POMZP3: variants seen among roughly 807,000 people sequenced by gnomAD.
POMZP3 encodes the protein POM121 and ZP3 fusion protein.
Under a neutral mutation model 19.8 loss-of-function variants are expected in POMZP3, and 10 were observed. The ratio of observed to expected loss-of-function variants is 0.51; its 90% CI spans 0.31 to 0.86. The LOEUF is 0.86. Among genes scored for constraint, POMZP3 ranks in the 40% least tolerant of loss-of-function variants. POMZP3 has a pLI of 0.04. For synonymous variants in POMZP3, 57 were observed against 85.8 expected, an observed-to-expected ratio of 0.66 and a Z score of 1.85; for missense variants, 152 against 228.1, an observed-to-expected ratio of 0.67 and a Z score of 2.15.
chr7:76,614,858 CAAAAAAAAA>C lies in POMZP3; in HGVS notation c.346-3054_346-3046del, dbSNP rs59620004. Among the ~76,000 whole-genome samples, 6 of 32,006 alleles carry C rather than the reference CAAAAAAAAA, an allele frequency of 1.9e-4. 1 individual carries two copies. Among genetic ancestry groups the C allele is most frequent in the Non-Finnish European group, 3.9e-4 (6 of 15,486 alleles). 21.0% of individuals were successfully genotyped at this position (32,006 alleles called of 152,430 possible). ...CTGGGTGACAGAGCGAGACTCTGTC[CAAAAAAAAA>C]AAAAAAAAAAGTACACAGGGTCTTG... On this transcript the variant is annotated intron_variant, in intron 4 of 6. Transcript: ENST00000310842.
chr7:76,611,383 C>G (rs183695161), intron 6 of POMZP3, 71 bp downstream of exon 6: 2 of 1,403,702 alleles, frequency 1.4e-6, no homozygotes, highest in East Asian at 4.6e-5. Flanking sequence ...TACCATCACC[C>G]TGAAATGACA....
Position 76,625,658 on chromosome 7 carries a change from G to A in POMZP3, c.91C>T (p.Leu31=), listed in dbSNP as rs747312505. 2.6e-5 allele frequency: 42 copies of A among 1,613,884 alleles called. No homozygotes were observed. Among genetic ancestry groups the A allele is most frequent in the Middle Eastern group, 1.7e-4 (1 of 6,056 alleles). The change falls in exon 3 of 7, where the codon CTG becomes TTG. Residue 31 remains leucine, a synonymous_variant. Coordinates refer to ENST00000310842, the MANE Select transcript of POMZP3 (RefSeq NM_012230.5). Reference sequence around the variant, plus strand: ...GGGGCATTACTTGATGGTGAGGACAGTGTTGAGCTGATTATCTGCTCTGGT... The same window carrying A: ...GGGGCATTACTTGATGGTGAGGACAATGTTGAGCTGATTATCTGCTCTGGT... The part of the protein sequence containing the change: ...AIPEQIISST[L]SSPSSNAPDP...
At chr7:76,616,280 CAAAAAA>C (rs1161112529) in intron 4 of POMZP3, among the ~76,000 whole-genome samples, 1 of 57,676 alleles carries the variant, frequency 1.7e-5, no homozygotes, top group Non-Finnish European at 3.8e-5. Context: ...GAGACTGTCT[CAAAAAA>C]AAAAAAAAAA....
intron 3 of POMZP3, among the ~76,000 whole-genome samples, chr7:76,620,861 A>ATTTTTTTTTTTTTTTTT (rs56084078): frequency 2.6e-5 from 2 of 76,200 alleles, no homozygotes; most frequent in Admixed American, 3.6e-4. Context: ...CTGTAAAGCC[A>ATTTTTTTTTTTTTTTTT]TTTTTTTTTT....
At chr7:76,622,165 TATC>T (rs1815600544) in intron 3 of POMZP3, among the ~76,000 whole-genome samples, 1 of 149,392 alleles carries the variant, frequency 6.7e-6, no homozygotes, top group Admixed American at 6.7e-5. Flanking sequence ...TTGTTTAGCA[TATC>T]ATCAAGAAAT....
intron 3 of POMZP3, among the ~76,000 whole-genome samples, chr7:76,622,531 A>G (rs544309527): frequency 7.1e-4 from 107 of 150,250 alleles, no homozygotes; most frequent in African/African-American, 2.5e-3. Context: ...GGTATGCTGT[A>G]ATTTTTGTAT....
chr7:76,613,525 T>C lies in POMZP3; in HGVS notation c.346-1712A>G, dbSNP rs1277648072. ...CCCTACCCTTTTTTTTTTTTTTTTT[T>C]CTGAGACGGAGTCTGTCTCTAGTCC... On this transcript the variant is annotated intron_variant, in intron 4 of 6. Coordinates refer to ENST00000310842, the MANE Select transcript of POMZP3 (RefSeq NM_012230.5). 1.9e-4 allele frequency among the ~76,000 whole-genome samples: 14 copies of C among 73,400 alleles called. 4 individuals carry two copies. Among genetic ancestry groups the C allele is most frequent in the Admixed American group, 3.7e-4 (3 of 8,124 alleles). 48.2% of individuals were successfully genotyped at this position (73,400 alleles called of 152,430 possible).
intron 2 of POMZP3, 151 bp downstream of exon 2, chr7:76,625,849 C>A: frequency 7.4e-7 from 1 of 1,359,044 alleles, no homozygotes; most frequent in Non-Finnish European, 1.0e-6. Context: ...AAGTGAAAAA[C>A]AAACGGTTTT....
intron 3 of POMZP3, among the ~76,000 whole-genome samples, chr7:76,624,267 G>A (rs1196639655): frequency 1.3e-5 from 2 of 148,654 alleles, no homozygotes; most frequent in East Asian, 2.0e-4. Context: ...TAAGATTTTC[G>A]GCCAGGCGTG....
intron 6 of POMZP3, among the ~76,000 whole-genome samples, chr7:76,610,998 C>G (rs1815064479): frequency 1.4e-5 from 2 of 140,626 alleles, no homozygotes; most frequent in African/African-American, 5.5e-5. Flanking sequence ...CCTCAGCCTC[C>G]CAAGTAGCTG....
Position 76,627,248 on chromosome 7 carries a change from G to T in POMZP3, c.-692C>A, listed in dbSNP as rs1815961689. The T allele has an allele frequency of 5.8e-6, 8 of 1,376,748 alleles. 1 individual carries two copies. The East Asian group carries it at 2.4e-4, about 41-fold the overall frequency. 85.3% of individuals were successfully genotyped at this position (1,376,748 alleles called of 1,614,324 possible). On this transcript the variant is annotated 5_prime_UTR_variant, in exon 1 of 7. Transcript: ENST00000310842. The stretch of plus-strand genomic sequence containing the variant: ...TGCTCCAGCCGCCGCAGCCGCCGGA[G>T]ACATCGCGGCTCCGCGCCGCGGAGG...
intron 3 of POMZP3, among the ~76,000 whole-genome samples, chr7:76,619,280 G>A (rs1815416128): frequency 6.6e-6 from 1 of 152,148 alleles, no homozygotes; most frequent in Non-Finnish European, 1.5e-5. Context: ...CCCAGCTACT[G>A]GGGAGGCTGA....
intron 4 of POMZP3, among the ~76,000 whole-genome samples, chr7:76,614,329 C>T (rs1815212772): frequency 1.3e-5 from 1 of 79,786 alleles, no homozygotes; most frequent in Non-Finnish European, 2.6e-5. Flanking sequence ...CAGTGGATCA[C>T]CTGAGGTCAG....
At chr7:76,612,959 G>A (rs1815169731) in intron 4 of POMZP3, among the ~76,000 whole-genome samples, 2 of 64,386 alleles carry the variant, frequency 3.1e-5, no homozygotes, top group East Asian at 3.8e-4. Context: ...CTGTTGCCTA[G>A]GCTGGAGTGC....
intron 3 of POMZP3, among the ~76,000 whole-genome samples, chr7:76,618,781 GAAGAATTGTTA>G (rs1402760948): frequency 6.6e-6 from 1 of 151,940 alleles, no homozygotes; most frequent in East Asian, 1.9e-4. Flanking sequence ...GGGATAAGCT[GAAGAATTGTTA>G]AAGATTTTAT....
At chr7:76,622,779 G>A (rs1274867828) in intron 3 of POMZP3, among the ~76,000 whole-genome samples, 3 of 151,818 alleles carry the variant, frequency 2.0e-5, no homozygotes, top group Admixed American at 6.6e-5. Context: ...GAGCTCAAGC[G>A]ATCTTCCTAC....
At chr7:76,625,883 C>G (rs1815859064) in intron 2 of POMZP3, 117 bp downstream of exon 2, 20 of 1,490,576 alleles carry the variant, frequency 1.3e-5, no homozygotes, top group Non-Finnish European at 1.8e-5. Context: ...ATTTCTCATT[C>G]AAACAAGCAG....
chr7:76,618,339 GGGCCGGGCACCGT>G, intron 3 of POMZP3, 39 bp from the exon 4 acceptor site: 3 of 1,613,454 alleles, frequency 1.9e-6, no homozygotes, highest in Non-Finnish European at 2.5e-6. Context: ...CCAGACAGGT[GGGCCGGGCACCGT>G]GGCTCACGCC....
chr7:76,625,388 A>G (rs1815820188), intron 3 of POMZP3, 134 bp downstream of exon 3: 9 of 1,442,936 alleles, frequency 6.2e-6, no homozygotes, highest in Admixed American at 3.9e-5. Flanking sequence ...AGGTTCTTTC[A>G]TGAAAGCCAA....
Sources: allele counts gnomAD v4.1 joint callset (sites outside exome capture counted in the v4.1 genomes callset), GRCh38; gene constraint gnomAD v4.1.1; transcripts MANE v1.5; gene names NCBI Gene and HGNC (gene_info 2026-07-23, HGNC 2026-07-21).